Variants in ANO7 observed in about 807,000 individuals in gnomAD.
ANO7 encodes anoctamin-7.
A neutral mutation model predicts 115.8 loss-of-function variants in ANO7; 114 were observed. That is an observed-to-expected ratio of 0.98 (90% confidence interval 0.85 to 1.15). The LOEUF is 1.15. Among genes scored for constraint, ANO7 ranks in the 50% most tolerant of loss-of-function variants. ANO7 has a pLI of 0.00. For synonymous variants in ANO7, 550 were observed against 498.2 expected (o/e 1.10, Z -1.38); for missense variants, 1,302 against 1,201.2 (o/e 1.08, Z -1.24).
intron 7 of ANO7, among the ~76,000 whole-genome samples, 162 bp from the exon 8 acceptor site, chr2:241,202,032 G>A (rs1224649060): frequency 3.9e-5 from 6 of 152,242 alleles, no homozygotes; most frequent in East Asian, 1.9e-4. Flanking sequence ...GTGCATGTGC[G>A]GTGGTGACAC....
At chr2:241,226,861 C>T (rs1246543100), downstream of ANO7, among the ~76,000 whole-genome samples, 2 of 152,158 alleles carry the variant, frequency 1.3e-5, no homozygotes, top group East Asian at 3.8e-4. Context: ...TGGCTCCTCC[C>T]ACTCAACGCC....
chr2:241,198,478 G>T (rs2068393958), intron 4 of ANO7, among the ~76,000 whole-genome samples: 2 of 152,364 alleles, frequency 1.3e-5, no homozygotes, highest in Non-Finnish European at 2.9e-5. Context: ...TTTAGTTGAG[G>T]GCAGGGGGGA....
At chr2:241,223,378 C>G in intron 22 of ANO7, 102 bp downstream of exon 22, 2 of 1,308,852 alleles carry the variant, frequency 1.5e-6, no homozygotes, top group Non-Finnish European at 2.2e-6. Context: ...CCGTCACTTC[C>G]TGCTGTGTCA....
intron 21 of ANO7, among the ~76,000 whole-genome samples, chr2:241,220,737 T>A (rs1388617412): frequency 6.6e-6 from 1 of 152,194 alleles, no homozygotes; most frequent in Non-Finnish European, 1.5e-5. Context: ...GAGGCAGAGC[T>A]TTCAGTGAGC....
chr2:241,190,206 G>A (rs1252730429), intron 2 of ANO7, 35 bp downstream of exon 2: 2 of 1,530,746 alleles, frequency 1.3e-6, no homozygotes, highest in East Asian at 2.5e-5. Context: ...TGCGACTTGA[G>A]AGGTCCTCCC....
At position 241,219,750 on chromosome 2, in the gene ANO7, T is replaced by C. The variant is rs865896676; in HGVS notation, c.2321+1369T>C. ...GCCTGGCTTTTTTTTTTTTTTTTTT[T>C]CTTTAAAGAGATGGGGTCTTACTAT... On this transcript the variant is annotated intron_variant, in intron 21 of 24. Transcript: ENST00000674324. 7.5e-3 allele frequency among the ~76,000 whole-genome samples: 935 copies of C among 124,254 alleles called. 11 individuals carry two copies. The highest frequency in any genetic ancestry group is 0.026 in the African/African-American group (879 of 33,752). The allele number at this position is 124,254 out of a possible 152,430, so 81.5% of individuals were successfully genotyped here.
chr2:241,189,965 T>C, intron 1 of ANO7, 92 bp from the exon 2 acceptor site: 2 of 959,714 alleles, frequency 2.1e-6, no homozygotes, highest in South Asian at 3.1e-5. Context: ...GTCTGTAAAG[T>C]GAGCTCACTG....
intron 21 of ANO7, among the ~76,000 whole-genome samples, chr2:241,221,082 A>AT (rs1435706619): frequency 6.6e-6 from 1 of 151,534 alleles, no homozygotes. Context: ...TTTTATTATT[A>AT]TTTTTTTGAG....
the ANO7 span, among the ~76,000 whole-genome samples, chr2:241,234,585 G>A: frequency 6.6e-6 from 1 of 152,200 alleles, no homozygotes; most frequent in Admixed American, 6.5e-5. Context: ...CAGAACCCCT[G>A]CTCCTGTCTG....
In ANO7 at chr2:241,225,928, A is replaced by G. The variant is rs893962276; in HGVS notation, c.*1775A>G. ...CAATGCTTACTACAAACCCACGTGT[A>G]CTTCCTTCCAGCTGGTTGCTTTTTA... is the stretch of plus-strand genomic sequence containing the variant. On this transcript the variant is annotated 3_prime_UTR_variant, in exon 25 of 25. Transcript: ENST00000674324. Among the ~76,000 whole-genome samples the G allele has an allele frequency of 6.6e-6, 1 of 152,170 alleles. No individual in the cohort carries two copies.
the ANO7 span, chr2:241,239,948 C>T: frequency 1.2e-6 from 2 of 1,614,076 alleles, no homozygotes; most frequent in Non-Finnish European, 8.5e-7. The surrounding 1 kb of genome is among the most constrained non-coding windows in gnomAD (Gnocchi z 4.6). Context: ...TCTCGGACGG[C>T]GTCCTCCTTT....
At chr2:241,229,805 C>T (rs765696033), downstream of ANO7, 1 of 1,115,090 alleles carries the variant, frequency 9.0e-7, no homozygotes, top group Non-Finnish European at 1.3e-6. Flanking sequence ...CTCCCTGGGA[C>T]CCAGGAGGGC....
At chr2:241,229,646 C>T, downstream of ANO7, 1 of 1,614,144 alleles carries the variant, frequency 6.2e-7, no homozygotes, top group South Asian at 1.1e-5. Flanking sequence ...CCACCTGAGC[C>T]CCAAAGCTGG....
At chr2:241,228,029 C>T (rs538775763), downstream of ANO7, 1 of 152,350 alleles carries the variant, frequency 6.6e-6, no homozygotes, top group East Asian at 1.9e-4. Flanking sequence ...GAGGCAGCTG[C>T]AACTAGACTT....
the ANO7 span, among the ~76,000 whole-genome samples, chr2:241,234,364 G>A: frequency 1.3e-5 from 2 of 152,214 alleles, no homozygotes; most frequent in African/African-American, 2.4e-5. Flanking sequence ...ACCAAGAAGA[G>A]GGGGCAGCCA....
chr2:241,199,257 C>A, intron 4 of ANO7, 59 bp from the exon 5 acceptor site: 2 of 1,402,162 alleles, frequency 1.4e-6, no homozygotes, highest in Non-Finnish European at 2.0e-6. Flanking sequence ...TGGACACACA[C>A]ATGTGCATAC....
At chr2:241,228,999 G>A (rs2069401992), downstream of ANO7, 1 of 153,552 alleles carries the variant, frequency 6.5e-6, no homozygotes, top group South Asian at 2.1e-4. Flanking sequence ...GTAAAATCAG[G>A]ACTGCCTGAG....
In ANO7 at chr2:241,217,715, G is replaced by A; in HGVS notation, c.2002G>A (p.Val668Met). The change falls in exon 20 of 25, where the codon GTG (valine) becomes ATG (methionine). Residue 668 changes from valine to methionine, a missense_variant. Val to Met is a conservative substitution (Grantham distance 21). Coordinates refer to ENST00000674324, the MANE Select transcript of ANO7 (RefSeq NM_001370694.2). ...VLQFGFVTIF[V>M]AACPLAPLFA... ...GCAGTTCGGCTTCGTCACCATCTTC[G>A]TGGCCGCCTGTCCGCTCGCGCCGCT... 6.3e-7 allele frequency: 1 copy of A among 1,596,424 alleles called. No individual in the cohort carries two copies. The highest frequency in any genetic ancestry group is 8.5e-7 in the Non-Finnish European group (1 of 1,172,244).
chr2:241,209,716 G>A, intron 13 of ANO7, 81 bp downstream of exon 13: 1 of 1,480,494 alleles, frequency 6.8e-7, no homozygotes, highest in South Asian at 1.4e-5. Flanking sequence ...TCTCACCTTG[G>A]TGCCGTGGCC....
Sources: gnomAD v4.1 joint callset for allele counts (sites outside exome capture counted in the v4.1 genomes callset) on GRCh38, gnomAD v4.1.1 for gene constraint, Gnocchi (gnomAD v3.1) non-coding constraint, MANE v1.5 for transcripts, NCBI Gene and HGNC (gene_info 2026-07-23, HGNC 2026-07-21) for gene names.